HAS3: variants seen among roughly 807,000 people sequenced by gnomAD.
HAS3 encodes the protein HA synthase 3.
A neutral mutation model predicts 50.3 loss-of-function variants in HAS3; 27 were observed. The ratio of observed to expected loss-of-function variants is 0.54; its 90% CI spans 0.40 to 0.74. The LOEUF (loss-of-function observed/expected upper bound fraction) is 0.74, where lower values mean the gene tolerates loss of function less well. HAS3 is among the 30% of genes least tolerant of loss of function. The pLI is 0.00. For missense variants in HAS3, 517 were observed against 742.8 expected, an observed-to-expected ratio of 0.70 and a Z score of 3.53; for synonymous variants, 339 against 310.9, an observed-to-expected ratio of 1.09 and a Z score of -0.95.
In HAS3 at chr16:69,105,768, C is replaced by T. The variant is rs1960772093; in HGVS notation, c.-20C>T. On this transcript the variant is annotated 5_prime_UTR_variant, in exon 1 of 4. Transcript: ENST00000569188. ...TGCAGAAGTCGGGGAAGAGTGCTCT[C>T]AGCTCGCCTTCCTTGCAGGGTGAGT... 1 of 152,260 alleles carries T rather than the reference C, an allele frequency of 6.6e-6. No homozygotes were observed. Among genetic ancestry groups the T allele is most frequent in the South Asian group, 2.1e-4 (1 of 4,830 alleles). 9.4% of individuals were successfully genotyped at this position (152,260 alleles called of 1,614,324 possible). A position where few individuals can be genotyped will look rare whatever the true frequency, so the allele number is the denominator to read the frequency against.
chr16:69,116,889 G>A lies in HAS3; in HGVS notation c.*1623G>A. On this transcript the variant is annotated 3_prime_UTR_variant, in exon 4 of 4. Coordinates refer to ENST00000569188, the MANE Select transcript of HAS3 (RefSeq NM_001199280.2). ...TGCAGAACCAGCACTAAGGTGGACA[G>A]CAGACAAGAGGGCAAGCCTCTAGTG... 1.0e-6 allele frequency: 1 copy of A among 985,438 alleles called. No homozygotes were observed. The highest frequency in any genetic ancestry group is 1.2e-6 in the Non-Finnish European group (1 of 829,932). The allele number at this position is 985,438 out of a possible 1,614,324, so 61.0% of individuals were successfully genotyped here.
chr16:69,086,113 CT>C, the HAS3 span, among the ~76,000 whole-genome samples: 1 of 152,018 alleles, frequency 6.6e-6, no homozygotes, highest in Non-Finnish European at 1.5e-5. Context: ...AGCAATCCTC[CT>C]TACTCGGTTT....
rs188000279 is a variant in HAS3, at chr16:69,114,939, C to T, written c.1335C>T (p.Leu445=). ...TCTTCATGTCCCTCTACTCCCTCCTCTATATGTCCAGCCTTCTGCCGGCCA... is the reference window on the plus strand; with the variant it reads ...TCTTCATGTCCCTCTACTCCCTCCTTTATATGTCCAGCCTTCTGCCGGCCA... ...EMIFMSLYSL[L]YMSSLLPAKI... is the part of the protein sequence containing the mutation. The change falls in exon 4 of 4, where the codon CTC becomes CTT. Residue 445 remains leucine (L), a synonymous_variant. Transcript: ENST00000569188. The surrounding 1 kb of genome is among the most constrained non-coding windows in gnomAD (Gnocchi z 6.4). 799 of 1,614,162 alleles carry T rather than the reference C, an allele frequency of 4.9e-4. 3 individuals carry two copies. The highest frequency in any genetic ancestry group is 4.1e-3 in the Middle Eastern group (25 of 6,062).
At position 69,109,463 on chromosome 16, in the gene HAS3, G is replaced by C; in HGVS notation, c.68G>C (p.Gly23Ala). Residue 23 changes from glycine to alanine, a missense_variant, in exon 2 of 4, where the codon GGT becomes GCT. By Grantham distance (60) the Gly-to-Ala change is moderately conservative. Coordinates refer to ENST00000569188, the MANE Select transcript of HAS3 (RefSeq NM_001199280.2). This position sits in a 1 kb window ranked among gnomAD's most constrained non-coding sequence, Gnocchi z 5.3. ...GTSLFALAVL[G>A]GILAAYVTGY... Reference sequence around the variant, plus strand: ...AGCCTGTTTGCCCTGGCAGTGCTGGGTGGCATCCTGGCAGCCTATGTGACG... The same window carrying C: ...AGCCTGTTTGCCCTGGCAGTGCTGGCTGGCATCCTGGCAGCCTATGTGACG... The C allele has an allele frequency of 6.2e-7, 1 of 1,613,628 alleles. No individual in the cohort carries two copies. The highest frequency in any genetic ancestry group is 8.5e-7 in the Non-Finnish European group (1 of 1,180,018).
Position 69,114,209 on chromosome 16 carries a change from A to G in HAS3, c.739-134A>G. On this transcript the variant is annotated intron_variant, in intron 3 of 3. Coordinates refer to ENST00000569188, the MANE Select transcript of HAS3 (RefSeq NM_001199280.2). This position sits in a 1 kb window ranked among gnomAD's most constrained non-coding sequence, Gnocchi z 6.4. ...GGCTCCTCTGAGCCTCAGGTTTCCC[A>G]GCTCCAAAGGAACCGATGGCCAGGA... 1.4e-6 allele frequency: 2 copies of G among 1,379,816 alleles called. No homozygotes were observed. Among genetic ancestry groups the G allele is most frequent in the Non-Finnish European group, 1.9e-6 (2 of 1,031,020 alleles). The allele number at this position is 1,379,816 out of a possible 1,614,324, so 85.5% of individuals were successfully genotyped here.
intron 2 of HAS3, among the ~76,000 whole-genome samples, chr16:69,112,731 C>T (rs553913724): frequency 6.6e-6 from 1 of 152,340 alleles, no homozygotes; most frequent in East Asian, 1.9e-4. Context: ...GGGTTCAACT[C>T]ATAATGAGAC....
At position 69,109,102 on chromosome 16, in the gene HAS3, G is replaced by C. The variant is rs1019259561; in HGVS notation, c.1-294G>C. Among the ~76,000 whole-genome samples the C allele has an allele frequency of 2.0e-5, 3 of 152,200 alleles. No individual in the cohort carries two copies. The highest frequency in any genetic ancestry group is 7.2e-5 in the African/African-American group (3 of 41,446). On this transcript the variant is annotated intron_variant, in intron 1 of 3. Transcript: ENST00000569188. This position sits in a 1 kb window ranked among gnomAD's most constrained non-coding sequence, Gnocchi z 5.3. ...TCTGGGCCTTGGCTTGTCTACCCCA[G>C]TGCTACACTAAGGGCTTTGTATGTG...
upstream of HAS3, among the ~76,000 whole-genome samples, chr16:69,102,397 G>A (rs1348075681): frequency 6.6e-6 from 1 of 152,194 alleles, no homozygotes; most frequent in Non-Finnish European, 1.5e-5. Context: ...GAGCTTGATT[G>A]TAGCAGCCCC....
intron 3 of HAS3, among the ~76,000 whole-genome samples, chr16:69,113,758 G>C (rs116967305): frequency 0.031 from 4,791 of 152,186 alleles, 104 homozygotes; most frequent in Non-Finnish European, 0.042. Context: ...AACAGGTATG[G>C]AGCAGAGTCT....
intron 2 of HAS3, among the ~76,000 whole-genome samples, chr16:69,112,222 C>G (rs1961026531): frequency 6.6e-6 from 1 of 152,180 alleles, no homozygotes; most frequent in South Asian, 2.1e-4. Context: ...AGCAGTGAGA[C>G]CAGCAGAACA....
At chr16:69,096,710 C>T in the HAS3 span, among the ~76,000 whole-genome samples, 4 of 149,150 alleles carry the variant, frequency 2.7e-5, no homozygotes, top group East Asian at 6.2e-4. Context: ...CTCCGCCTCC[C>T]GGGTTCAAGT....
the HAS3 span, among the ~76,000 whole-genome samples, chr16:69,088,671 T>C: frequency 6.6e-6 from 1 of 152,142 alleles, no homozygotes; most frequent in Admixed American, 6.6e-5. Context: ...AGATTTGTTG[T>C]TCAGAGGTAG....
upstream of HAS3, among the ~76,000 whole-genome samples, chr16:69,101,757 T>A (rs1960698879): frequency 5.3e-5 from 8 of 152,044 alleles, no homozygotes; most frequent in Admixed American, 2.0e-4. Context: ...TATTTAATTA[T>A]AAACTGCCTT....
Position 69,109,282 on chromosome 16 carries a change from G to GT in HAS3, c.1-113dup. 1 of 1,070,580 alleles carries GT rather than the reference G, an allele frequency of 9.3e-7. No homozygotes were observed. The allele number at this position is 1,070,580 out of a possible 1,614,324, so 66.3% of individuals were successfully genotyped here. A position where few individuals can be genotyped will look rare whatever the true frequency, so the allele number is the denominator to read the frequency against. ...TACCAAGTCTTATGCTCAGTAAGCG[G>GT]TAACGGTTTTGATCAGTGGGTCATG... On this transcript the variant is annotated intron_variant, in intron 1 of 3. Transcript: ENST00000569188. The surrounding 1 kb of genome is among the most constrained non-coding windows in gnomAD (Gnocchi z 5.3).
chr16:69,113,657 C>T (rs1961083651), intron 3 of HAS3, 115 bp downstream of exon 3: 2 of 642,434 alleles, frequency 3.1e-6, no homozygotes, highest in South Asian at 1.9e-5. Context: ...GGAGGTTCCT[C>T]GCTGGCAGTT....
rs1961151170 is a variant in HAS3, at chr16:69,115,461, C to T, written c.*195C>T. On this transcript the variant is annotated 3_prime_UTR_variant, in exon 4 of 4. Transcript: ENST00000569188. ...CTGTTTAGAGGAGGCAACACTGATC[C>T]CCCAGATGCAGGGCTGCAGGGGATT... 7.8e-7 allele frequency: 1 copy of T among 1,284,396 alleles called. No individual in the cohort carries two copies. The highest frequency in any genetic ancestry group is 9.8e-7 in the Non-Finnish European group (1 of 1,019,672). 79.6% of individuals were successfully genotyped at this position (1,284,396 alleles called of 1,614,324 possible).
rs1177309995 is a variant in HAS3, at chr16:69,116,715, G to A, written c.*1449G>A. ...CTGTTTTCCCTCTGCTGCTTTTGGG[G>A]AATGAGGGGAAGCCATTTTCCAGTG... On this transcript the variant is annotated 3_prime_UTR_variant, in exon 4 of 4. Coordinates refer to ENST00000569188, the MANE Select transcript of HAS3 (RefSeq NM_001199280.2). 1.0e-6 allele frequency: 1 copy of A among 985,306 alleles called. No homozygotes were observed. Among genetic ancestry groups the A allele is most frequent in the Non-Finnish European group, 1.2e-6 (1 of 829,958 alleles). 61.0% of individuals were successfully genotyped at this position (985,306 alleles called of 1,614,324 possible). A position where few individuals can be genotyped will look rare whatever the true frequency, so the allele number is the denominator to read the frequency against.
Position 69,115,372 on chromosome 16 carries a change from T to C in HAS3, c.*106T>C, listed in dbSNP as rs1961148679. 4 of 1,421,156 alleles carry C rather than the reference T, an allele frequency of 2.8e-6. No homozygotes were observed. The South Asian group carries it at 4.9e-5, about 17-fold the overall frequency. 88.0% of individuals were successfully genotyped at this position (1,421,156 alleles called of 1,614,324 possible). A position where few individuals can be genotyped will look rare whatever the true frequency, so the allele number is the denominator to read the frequency against. ...GAGGAGGGAGTGCTGTGTTTTAGTC[T>C]CTTAATGGTCCAAAGGACAAATCTA... On this transcript the variant is annotated 3_prime_UTR_variant, in exon 4 of 4. Transcript: ENST00000569188.
upstream of HAS3, among the ~76,000 whole-genome samples, chr16:69,104,992 G>GTTT (rs565397720): frequency 0.035 from 2,837 of 81,894 alleles, 353 homozygotes; most frequent in African/African-American, 0.044. Context: ...CTGTTTTTTG[G>GTTT]TTTTTTTTTT....
Sources: gnomAD v4.1 joint callset for allele counts (sites outside exome capture counted in the v4.1 genomes callset) on GRCh38, gnomAD v4.1.1 for gene constraint, Gnocchi (gnomAD v3.1) non-coding constraint, MANE v1.5 for transcripts, NCBI Gene and HGNC (gene_info 2026-07-23, HGNC 2026-07-21) for gene names.